Variants in TMCC2 observed in about 807,000 individuals in gnomAD.
TMCC2 encodes the protein transmembrane and coiled-coil domains protein 2.
In TMCC2, 16 loss-of-function variants were observed where a neutral mutation model predicts 49.4. The ratio of observed to expected loss-of-function variants is 0.32; its 90% CI spans 0.22 to 0.49. TMCC2 has a LOEUF of 0.49. Ranked by LOEUF, TMCC2 falls within the 20% of genes least tolerant of loss-of-function variation. TMCC2 has a pLI of 0.99. For missense variants in TMCC2, 762 were observed against 989.8 expected, an observed-to-expected ratio of 0.77 and a Z score of 3.09; for synonymous variants, 397 against 434.1, an observed-to-expected ratio of 0.91 and a Z score of 1.06.
chr1:205,249,616 A>T, intron 2 of TMCC2, among the ~76,000 whole-genome samples: 1 of 152,170 alleles, frequency 6.6e-6, no homozygotes, highest in Non-Finnish European at 1.5e-5. Flanking sequence ...GAATGCATCC[A>T]CCTTCTGAGC....
chr1:205,228,468 T>G lies in TMCC2; in HGVS notation c.-97T>G, dbSNP rs1659656183. 9 of 1,045,224 alleles carry G rather than the reference T, an allele frequency of 8.6e-6. 1 individual carries two copies. In the South Asian group the frequency reaches 1.6e-4, roughly 19 times the overall value. 64.7% of individuals were successfully genotyped at this position (1,045,224 alleles called of 1,614,324 possible). A position where few individuals can be genotyped will look rare whatever the true frequency, so the allele number is the denominator to read the frequency against. Reference sequence around the variant, plus strand: ...GCCATCTCCCCTCCTTGTTAATAATTTAGACCCCAGGCCTCATATGAATAT... The same window carrying G: ...GCCATCTCCCCTCCTTGTTAATAATGTAGACCCCAGGCCTCATATGAATAT... On this transcript the variant is annotated 5_prime_UTR_variant, in exon 1 of 5. It adds an upstream start codon to the 5' untranslated region. Coordinates refer to ENST00000358024, the MANE Select transcript of TMCC2 (RefSeq NM_014858.4).
chr1:205,236,077 A>G (rs1362734796), intron 1 of TMCC2, among the ~76,000 whole-genome samples: 2 of 152,092 alleles, frequency 1.3e-5, no homozygotes, highest in Non-Finnish European at 2.9e-5. Flanking sequence ...TCAAAAAAAA[A>G]AAAAAAAAAA....
At position 205,241,592 on chromosome 1, in the gene TMCC2, C is replaced by A; in HGVS notation, c.295C>A (p.His99Asn). ...HSRRRSRERE[H>N]QTSQDSQQHQ... ...CCGCCGTCGGTCTCGGGAAAGGGAG[C>A]ACCAGACGTCTCAGGATTCCCAGCA... is the stretch of plus-strand genomic sequence containing the variant. The change falls in exon 2 of 5, where the codon CAC becomes AAC. Residue 99 changes from histidine to asparagine, a missense_variant. Around this residue, in one of 2 missense-constraint regions of TMCC2, gnomAD observed 322 missense variants for 353.1 expected, o/e 0.91. Coordinates refer to ENST00000358024, the MANE Select transcript of TMCC2 (RefSeq NM_014858.4). The surrounding 1 kb of genome is among the most constrained non-coding windows in gnomAD (Gnocchi z 7.3). 1 of 1,613,970 alleles carries A rather than the reference C, an allele frequency of 6.2e-7. No homozygotes were observed. Among genetic ancestry groups the A allele is most frequent in the East Asian group, 2.2e-5 (1 of 44,870 alleles).
At position 205,248,358 on chromosome 1, in the gene TMCC2, G is replaced by A. The variant is rs116131869; in HGVS notation, c.747+6314G>A. Among the ~76,000 whole-genome samples the A allele has an allele frequency of 3.5e-3, 538 of 152,264 alleles. 4 individuals carry two copies. Among genetic ancestry groups the A allele is most frequent in the African/African-American group, 0.012 (502 of 41,538 alleles). On this transcript the variant is annotated intron_variant, in intron 2 of 4. Transcript: ENST00000358024. ...CACGAGGTTGAAGCTGCAGTCAGGC[G>A]TGATTGCACCACTGCACTCCAGCCT... is the stretch of plus-strand genomic sequence containing the variant.
chr1:205,247,487 G>A (rs1660497067), intron 2 of TMCC2, among the ~76,000 whole-genome samples: 1 of 152,140 alleles, frequency 6.6e-6, no homozygotes, highest in African/African-American at 2.4e-5. Context: ...TCCAGGAATG[G>A]GCGTGGCCCT....
At chr1:205,229,582 G>A (rs1659711096) in intron 1 of TMCC2, 6 of 953,946 alleles carry the variant, frequency 6.3e-6, no homozygotes, top group Non-Finnish European at 7.4e-6. Flanking sequence ...GGGGGGGGAA[G>A]GTGGATTTCC....
intron 2 of TMCC2, among the ~76,000 whole-genome samples, chr1:205,250,552 A>G (rs1282653323): frequency 2.0e-5 from 3 of 152,222 alleles, no homozygotes; most frequent in Non-Finnish European, 4.4e-5. Context: ...AGAAAAAGAA[A>G]AAAAAGAAAA....
chr1:205,254,149 G>T (rs1236692138), intron 2 of TMCC2, among the ~76,000 whole-genome samples: 2 of 152,198 alleles, frequency 1.3e-5, no homozygotes, highest in African/African-American at 2.4e-5. Context: ...CTAGCAAGTG[G>T]CAGGGTGTGG....
At chr1:205,268,850 A>G (rs1661453672) in intron 2 of TMCC2, 100 bp from the exon 3 acceptor site, 7 of 1,155,756 alleles carry the variant, frequency 6.1e-6, no homozygotes, top group Non-Finnish European at 6.2e-6. Flanking sequence ...GGACTCCTGC[A>G]TCCATTTTCT....
chr1:205,271,314 G>C, intron 4 of TMCC2, 59 bp downstream of exon 4: 2 of 1,613,084 alleles, frequency 1.2e-6, no homozygotes, highest in South Asian at 2.2e-5. Context: ...GCAGCAGCCA[G>C]AGGGTTAGGG....
In TMCC2 at chr1:205,227,984, G is replaced by A. The variant is rs1238431662; in HGVS notation, c.-581G>A. ...GGGCTCGGGCCGCGGTCGCGGCTTT[G>A]CGGCAGGCTGCGCGTCAGGCGGGGA... On this transcript the variant is annotated 5_prime_UTR_variant, in exon 1 of 5. Coordinates refer to ENST00000358024, the MANE Select transcript of TMCC2 (RefSeq NM_014858.4). Among the ~76,000 whole-genome samples the A allele has an allele frequency of 6.7e-6, 1 of 149,616 alleles. No individual in the cohort carries two copies. Among genetic ancestry groups the A allele is most frequent in the Non-Finnish European group, 1.5e-5 (1 of 67,116 alleles).
In TMCC2 at chr1:205,271,866, A is replaced by C; in HGVS notation, c.1872A>C (p.Gln624His). The part of the protein sequence containing the change: ...TRVTKLELQQ[Q>H]QQQVVQLEGV... ...TCACCAAGCTGGAGCTGCAGCAGCA[A>C]CAGCAGCAGGTGGTACAGCTGGAGG... Residue 624 changes from glutamine to histidine, a missense_variant, in exon 5 of 5, where the codon CAA becomes CAC. This residue lies in a region of TMCC2 where 440 missense variants were observed against 636.7 expected (regional missense o/e 0.69). Coordinates refer to ENST00000358024, the MANE Select transcript of TMCC2 (RefSeq NM_014858.4). 6.2e-7 allele frequency: 1 copy of C among 1,613,932 alleles called. No individual in the cohort carries two copies. The highest frequency in any genetic ancestry group is 8.5e-7 in the Non-Finnish European group (1 of 1,180,018).
chr1:205,256,286 C>A, intron 2 of TMCC2: 1 of 1,547,312 alleles, frequency 6.5e-7, no homozygotes, highest in South Asian at 1.2e-5. Flanking sequence ...CCCCAGGACT[C>A]AGCTGGCCAG....
chr1:205,270,020 G>C (rs751925928), intron 3 of TMCC2, 136 bp downstream of exon 3: 1 of 794,782 alleles, frequency 1.3e-6, no homozygotes, highest in Non-Finnish European at 2.0e-6. Flanking sequence ...GAGCCAGCAC[G>C]AGGCCCTAAG....
chr1:205,246,216 G>A (rs929762445), intron 2 of TMCC2, among the ~76,000 whole-genome samples: 2 of 149,896 alleles, frequency 1.3e-5, no homozygotes, highest in African/African-American at 2.5e-5. Flanking sequence ...ACAGATTTGC[G>A]GCCTGGCAGC....
In TMCC2 at chr1:205,265,563, C is replaced by CTT. The variant is rs938828110; in HGVS notation, c.748-3372_748-3371dup. Among the ~76,000 whole-genome samples, 76 of 139,468 alleles carry CTT rather than the reference C, an allele frequency of 5.4e-4. 1 individual carries two copies. In the East Asian group the frequency reaches 0.01, roughly 19 times the overall value. 91.5% of individuals were successfully genotyped at this position (139,468 alleles called of 152,430 possible). ...CCAGACTCAGAACCCATTTTCTTTT[C>CTT]TTTTTTTTTTTTTTTTGAGACGGAG... On this transcript the variant is annotated intron_variant, in intron 2 of 4. Transcript: ENST00000358024.
intron 3 of TMCC2, among the ~76,000 whole-genome samples, chr1:205,270,220 G>A (rs1661529817): frequency 6.6e-6 from 1 of 152,092 alleles, no homozygotes; most frequent in Non-Finnish European, 1.5e-5. Flanking sequence ...CTAATTTTTT[G>A]TATTTTTAGT....
chr1:205,246,056 G>A (rs751695713), intron 2 of TMCC2, among the ~76,000 whole-genome samples: 7 of 152,064 alleles, frequency 4.6e-5, no homozygotes, highest in Non-Finnish European at 8.8e-5. Context: ...TGAACGGGGC[G>A]TGAGCAGGGC....
chr1:205,256,480 G>A, intron 2 of TMCC2: 5 of 1,493,116 alleles, frequency 3.3e-6, no homozygotes, highest in Non-Finnish European at 3.7e-6. Flanking sequence ...CAGAGACTGG[G>A]AAGCAGAAGC....
Sources: allele counts gnomAD v4.1 joint callset (sites outside exome capture counted in the v4.1 genomes callset), GRCh38; gene constraint gnomAD v4.1.1; regional missense constraint gnomAD v4.1.1; non-coding constraint Gnocchi (gnomAD v3.1); transcripts MANE v1.5; gene names NCBI Gene and HGNC (gene_info 2026-07-23, HGNC 2026-07-21).